The following SNX29 variants were observed in gnomAD, a reference collection of about 807,000 sequenced individuals.
The protein encoded by SNX29 is sorting nexin-29.
Under a neutral mutation model 102.1 loss-of-function variants are expected in SNX29, and 78 were observed. The observed-to-expected ratio is 0.76, with a 90% CI of 0.64 to 0.92. The LOEUF (loss-of-function observed/expected upper bound fraction) is 0.92, where lower values mean the gene tolerates loss of function less well. Among genes scored for constraint, SNX29 ranks in the 40% least tolerant of loss-of-function variants. The pLI is 0.00. For missense variants in SNX29, 1,280 were observed against 1,061.7 expected, an observed-to-expected ratio of 1.21 and a Z score of -2.86; for synonymous variants, 580 against 414.5, an observed-to-expected ratio of 1.40 and a Z score of -4.85.
chr16:12,478,959 G>A (rs1474508950), intron 19 of SNX29, among the ~76,000 whole-genome samples: 1 of 152,176 alleles, frequency 6.6e-6, no homozygotes, highest in Non-Finnish European at 1.5e-5. Flanking sequence ...GGCAGGGACA[G>A]TCTGATTGGA....
At chr16:12,446,217 G>T (rs990044795) in intron 18 of SNX29, among the ~76,000 whole-genome samples, 2 of 151,866 alleles carry the variant, frequency 1.3e-5, no homozygotes, top group African/African-American at 4.8e-5. Flanking sequence ...CACCATGCCC[G>T]GCTAATTTTT....
intron 18 of SNX29, 78 bp from the exon 19 acceptor site, chr16:12,477,641 A>G (rs577014276): frequency 2.6e-6 from 4 of 1,556,922 alleles, no homozygotes; most frequent in Non-Finnish European, 3.5e-6. Flanking sequence ...GTTGGTTTTC[A>G]TGGGGAAAGC....
At chr16:12,187,684 T>C (rs980432021) in intron 13 of SNX29, among the ~76,000 whole-genome samples, 2 of 152,102 alleles carry the variant, frequency 1.3e-5, no homozygotes, top group Admixed American at 6.5e-5. Context: ...CCCAACCCCC[T>C]TTTTTTGAAG....
At chr16:12,120,228 G>A (rs1486747333) in intron 11 of SNX29, among the ~76,000 whole-genome samples, 2 of 152,196 alleles carry the variant, frequency 1.3e-5, no homozygotes, top group Non-Finnish European at 2.9e-5. Flanking sequence ...GATGATGTAG[G>A]TTAAGTCCAT....
intron 18 of SNX29, among the ~76,000 whole-genome samples, chr16:12,430,811 A>T (rs564518278): frequency 2.0e-5 from 3 of 151,336 alleles, no homozygotes; most frequent in South Asian, 4.2e-4. Context: ...AAGTGGTGAC[A>T]GTCATAAAAG....
chr16:12,573,853 G>A lies in SNX29; in HGVS notation c.*5224G>A, dbSNP rs191653950. The A allele has an allele frequency of 9.4e-6, 2 of 211,964 alleles. No individual in the cohort carries two copies. Among genetic ancestry groups the A allele is most frequent in the African/African-American group, 2.3e-5 (1 of 44,072 alleles). 13.1% of individuals were successfully genotyped at this position (211,964 alleles called of 1,614,324 possible). A position where few individuals can be genotyped will look rare whatever the true frequency, so the allele number is the denominator to read the frequency against. On this transcript the variant is annotated 3_prime_UTR_variant, in exon 21 of 21. Transcript: ENST00000566228. The stretch of plus-strand genomic sequence containing the variant: ...TATTATCCAGGACTCATCCTAAGAA[G>A]AATGTTGGCCTCTCTTCATCCCTGG...
intron 14 of SNX29, among the ~76,000 whole-genome samples, chr16:12,216,948 A>AG (rs2077341522): frequency 6.6e-6 from 1 of 152,224 alleles, no homozygotes; most frequent in Non-Finnish European, 1.5e-5. Flanking sequence ...TTTTCCACCT[A>AG]GGTGGCCAAG....
intron 11 of SNX29, among the ~76,000 whole-genome samples, chr16:12,118,313 CTTTTTTT>C (rs869186902): frequency 8.1e-5 from 7 of 86,112 alleles, no homozygotes; most frequent in Admixed American, 1.5e-4. Flanking sequence ...TACAGACCAC[CTTTTTTT>C]TTTTTTTTTT....
At chr16:11,998,301 A>G (rs2056163439) in intron 1 of SNX29, among the ~76,000 whole-genome samples, 2 of 152,118 alleles carry the variant, frequency 1.3e-5, no homozygotes, top group African/African-American at 4.8e-5. Context: ...GCTTGGAGTC[A>G]TTGGGCCTCT....
intron 1 of SNX29, among the ~76,000 whole-genome samples, chr16:11,992,914 C>A (rs2055910204): frequency 1.3e-5 from 2 of 152,102 alleles, no homozygotes; most frequent in South Asian, 4.1e-4. Flanking sequence ...GCAATCCCAG[C>A]ACTTCAGGAG....
At chr16:12,106,823 C>CT (rs374613785) in intron 11 of SNX29, among the ~76,000 whole-genome samples, 41 of 145,304 alleles carry the variant, frequency 2.8e-4, no homozygotes, top group African/African-American at 4.5e-4. Flanking sequence ...GTAGTGCTTC[C>CT]TTTTTTTTTT....
chr16:12,247,411 C>T (rs2078291685), intron 14 of SNX29, among the ~76,000 whole-genome samples: 1 of 152,178 alleles, frequency 6.6e-6, no homozygotes, highest in Non-Finnish European at 1.5e-5. Flanking sequence ...CAGTCTATCT[C>T]CTCCTGTTTT....
At chr16:12,076,186 C>T (rs62038865) in intron 10 of SNX29, among the ~76,000 whole-genome samples, 160 of 152,312 alleles carry the variant, frequency 1.1e-3, no homozygotes, top group Non-Finnish European at 1.9e-3. Flanking sequence ...TCTGGCACTC[C>T]GTAGTGAGAT....
chr16:12,121,342 C>T (rs1236029985), intron 11 of SNX29, among the ~76,000 whole-genome samples: 2 of 152,212 alleles, frequency 1.3e-5, no homozygotes, highest in African/African-American at 2.4e-5. Context: ...CACAGAACCC[C>T]ATAGGGGCTC....
intron 20 of SNX29, chr16:12,546,235 CTT>C (rs1409171812): frequency 2.6e-5 from 4 of 152,322 alleles, no homozygotes; most frequent in East Asian, 3.9e-4. Context: ...TAGAGGTAAA[CTT>C]GACCTCTTTT....
At chr16:12,441,898 C>T (rs1277420478) in intron 18 of SNX29, among the ~76,000 whole-genome samples, 1 of 152,320 alleles carries the variant, frequency 6.6e-6, no homozygotes, top group East Asian at 1.9e-4. Context: ...AGGCTATTCT[C>T]CTGTCTCAGC....
At chr16:12,450,291 C>T (rs574179317) in intron 18 of SNX29, among the ~76,000 whole-genome samples, 2 of 152,284 alleles carry the variant, frequency 1.3e-5, no homozygotes, top group African/African-American at 2.4e-5. Context: ...TTGAGAGGGG[C>T]AGGGTGCAGG....
At chr16:12,356,948 C>T (rs114454252) in intron 16 of SNX29, among the ~76,000 whole-genome samples, 6 of 152,198 alleles carry the variant, frequency 3.9e-5, no homozygotes, top group African/African-American at 7.2e-5. Context: ...GGTTGAGATT[C>T]GCTGATCTAG....
At chr16:12,235,375 G>A (rs779651662) in intron 14 of SNX29, among the ~76,000 whole-genome samples, 5 of 152,012 alleles carry the variant, frequency 3.3e-5, no homozygotes, top group South Asian at 2.1e-4. Flanking sequence ...CTGGGCCTGC[G>A]GTACTTAATT....
Sources: gnomAD v4.1 joint callset for allele counts (sites outside exome capture counted in the v4.1 genomes callset) on GRCh38, gnomAD v4.1.1 for gene constraint, MANE v1.5 for transcripts, NCBI Gene and HGNC (gene_info 2026-07-23, HGNC 2026-07-21) for gene names.